Variants in PCBP3 observed in about 807,000 individuals in gnomAD.
PCBP3 encodes the protein poly(rC) binding protein 3.
PCBP3 carries 25 observed loss-of-function variants against 52.7 expected under a neutral mutation model. That is an observed-to-expected ratio of 0.47 (90% confidence interval 0.35 to 0.66). The LOEUF (loss-of-function observed/expected upper bound fraction) is 0.66. PCBP3 is among the 30% of genes least tolerant of loss of function. The probability of loss-of-function intolerance (pLI) is 0.01; values close to 1 mark genes in which losing one functional copy is unlikely to be tolerated. For missense variants in PCBP3, 391 were observed against 490.3 expected (o/e 0.80, Z 1.91); for synonymous variants, 162 against 183.0 (o/e 0.89, Z 0.93).
chr21:45,820,171 G>A (rs967671343), intron 4 of PCBP3, among the ~76,000 whole-genome samples: 1 of 152,244 alleles, frequency 6.6e-6, no homozygotes, highest in African/African-American at 2.4e-5. Flanking sequence ...GGCTATGTGT[G>A]GGATGATGCT....
chr21:45,731,577 T>G (rs2085458825), intron 2 of PCBP3, among the ~76,000 whole-genome samples: 2 of 152,234 alleles, frequency 1.3e-5, no homozygotes, highest in Admixed American at 6.5e-5. Context: ...CTGGAACTTT[T>G]CTTAAACAAC....
At chr21:45,803,870 T>C (rs2092399301) in intron 4 of PCBP3, among the ~76,000 whole-genome samples, 1 of 152,232 alleles carries the variant, frequency 6.6e-6, no homozygotes, top group Non-Finnish European at 1.5e-5. Context: ...GCCCAGGTCC[T>C]GCTGGGGTGG....
intron 2 of PCBP3, among the ~76,000 whole-genome samples, chr21:45,706,893 C>T (rs1188380980): frequency 6.6e-6 from 1 of 152,190 alleles, no homozygotes; most frequent in African/African-American, 2.4e-5. Flanking sequence ...CTCTCTGCAA[C>T]TTGGATCAAA....
At chr21:45,939,968 C>T in intron 16 of PCBP3, 62 bp from the exon 17 acceptor site, 1 of 1,511,136 alleles carries the variant, frequency 6.6e-7, no homozygotes, top group South Asian at 1.2e-5. Context: ...GGCGCACTGC[C>T]CACAGTCTTC....
intron 4 of PCBP3, among the ~76,000 whole-genome samples, chr21:45,849,321 T>C (rs1233773934): frequency 2.6e-5 from 4 of 151,320 alleles, no homozygotes; most frequent in Non-Finnish European, 5.9e-5. Flanking sequence ...TTCTCCTGCC[T>C]CAGCCTCCGG....
At chr21:45,832,910 T>A (rs2147796133) in intron 4 of PCBP3, among the ~76,000 whole-genome samples, 1 of 152,238 alleles carries the variant, frequency 6.6e-6, no homozygotes, top group East Asian at 1.9e-4. Flanking sequence ...AGGAGGAACT[T>A]GCCAGACAAA....
intron 4 of PCBP3, among the ~76,000 whole-genome samples, chr21:45,785,531 G>A (rs1402425406): frequency 1.3e-5 from 2 of 149,296 alleles, no homozygotes; most frequent in African/African-American, 4.9e-5. Flanking sequence ...CCCCCCGCCC[G>A]GCCAGCCGCC....
In PCBP3 at chr21:45,940,229, C is replaced by A. The variant is rs777302966; in HGVS notation, c.1079+30C>A. On this transcript the variant is annotated intron_variant, in intron 17 of 17. Transcript: ENST00000681687. Reference sequence around the variant, plus strand: ...GCATCTCCCAAGGGTCTCTGAGAGACGCCCGGAAAGGGACGCGCCAGCCGG... The same window carrying A: ...GCATCTCCCAAGGGTCTCTGAGAGAAGCCCGGAAAGGGACGCGCCAGCCGG... The A allele has an allele frequency of 5.7e-6, 9 of 1,584,732 alleles. No homozygotes were observed. In the African/African-American group the frequency reaches 1.1e-4, roughly 19 times the overall value.
intron 2 of PCBP3, among the ~76,000 whole-genome samples, chr21:45,688,484 G>A (rs183406523): frequency 2.9e-4 from 44 of 152,198 alleles, no homozygotes; most frequent in East Asian, 1.5e-3. Flanking sequence ...CAGTGGTTAC[G>A]TAGAAGTGTA....
chr21:45,837,562 G>T lies in PCBP3; in HGVS notation c.-125-12399G>T, dbSNP rs1391372388. Among the ~76,000 whole-genome samples, 1 of 152,232 alleles carries T rather than the reference G, an allele frequency of 6.6e-6. No homozygotes were observed. The highest frequency in any genetic ancestry group is 1.5e-5 in the Non-Finnish European group (1 of 68,042). On this transcript the variant is annotated intron_variant, in intron 4 of 17. Transcript: ENST00000681687. This position sits in a 1 kb window ranked among gnomAD's most constrained non-coding sequence, Gnocchi z 4.1. ...GCCTACCTGTAGCCCTGGGTTGTCT[G>T]CCTCTTGGGGGTAGCGGCTGTGTGG...
In PCBP3 at chr21:45,894,006, C is replaced by T. The variant is rs193062609; in HGVS notation, c.11-2202C>T. ...CAGCAAGGCCAGGGCACTTTGCAGA[C>T]GGCATGGACGGGTAGGTGCCTAGGG... is the stretch of plus-strand genomic sequence containing the variant. On this transcript the variant is annotated intron_variant, in intron 5 of 17. Transcript: ENST00000681687. 596 of 985,528 alleles carry T rather than the reference C, an allele frequency of 6.0e-4. 3 individuals carry two copies. In the African/African-American group the frequency reaches 7.7e-3, roughly 13 times the overall value. The allele number at this position is 985,528 out of a possible 1,614,324, so 61.0% of individuals were successfully genotyped here.
intron 6 of PCBP3, among the ~76,000 whole-genome samples, chr21:45,897,962 G>A (rs963365361): frequency 6.6e-6 from 1 of 152,142 alleles, no homozygotes; most frequent in Non-Finnish European, 1.5e-5. Flanking sequence ...CTCCCGCCGG[G>A]AGGAGGCTGC....
At chr21:45,814,261 G>A (rs1369745590) in intron 4 of PCBP3, among the ~76,000 whole-genome samples, 1 of 152,242 alleles carries the variant, frequency 6.6e-6, no homozygotes, top group Non-Finnish European at 1.5e-5. Flanking sequence ...GTTGCTCTGG[G>A]TGAGTGAGTG....
intron 9 of PCBP3, among the ~76,000 whole-genome samples, chr21:45,902,634 A>G (rs2096089729): frequency 6.6e-6 from 1 of 152,228 alleles, no homozygotes; most frequent in African/African-American, 2.4e-5. Flanking sequence ...TGGTGAGACC[A>G]AGAGCGCCGT....
chr21:45,676,368 T>G (rs78816349), intron 2 of PCBP3, among the ~76,000 whole-genome samples: 2 of 56,480 alleles, frequency 3.5e-5, no homozygotes, highest in South Asian at 9.0e-4. Flanking sequence ...CTTTACAGAA[T>G]TTTTTTTTTT....
intron 17 of PCBP3, among the ~76,000 whole-genome samples, chr21:45,940,754 C>T (rs1238960721): frequency 6.6e-6 from 1 of 150,930 alleles, no homozygotes; most frequent in Non-Finnish European, 1.5e-5. Flanking sequence ...CACCAGTCCC[C>T]CCGCCAGGCA....
At chr21:45,920,029 G>T (rs1212143200) in intron 13 of PCBP3, among the ~76,000 whole-genome samples, 1 of 143,998 alleles carries the variant, frequency 6.9e-6, no homozygotes, top group African/African-American at 2.7e-5. Flanking sequence ...AGATGCACGT[G>T]TGCAGAGGCA....
chr21:45,679,147 G>A (rs1052268286), intron 2 of PCBP3, among the ~76,000 whole-genome samples: 2 of 149,412 alleles, frequency 1.3e-5, no homozygotes, highest in Non-Finnish European at 3.0e-5. Context: ...TTTTGAGATG[G>A]AGTCTCTGTT....
intron 13 of PCBP3, 61 bp from the exon 14 acceptor site, chr21:45,929,856 T>A: frequency 2.4e-6 from 3 of 1,255,814 alleles, no homozygotes; most frequent in Non-Finnish European, 3.5e-6. Flanking sequence ...CCGTTTTAAT[T>A]TGGTGTGACT....
Sources: allele counts gnomAD v4.1 joint callset (sites outside exome capture counted in the v4.1 genomes callset), GRCh38; gene constraint gnomAD v4.1.1; non-coding constraint Gnocchi (gnomAD v3.1); transcripts MANE v1.5; gene names NCBI Gene and HGNC (gene_info 2026-07-23, HGNC 2026-07-21).